The following NLRC5 variants were observed in gnomAD, a reference collection of about 807,000 sequenced individuals.
NLRC5 encodes the protein protein NLRC5.
In NLRC5, 114 loss-of-function variants were observed where a neutral mutation model predicts 206.9. The ratio of observed to expected loss-of-function variants is 0.55; its 90% CI spans 0.47 to 0.64. The LOEUF (loss-of-function observed/expected upper bound fraction) is 0.64. Among genes scored for constraint, NLRC5 ranks in the 30% least tolerant of loss-of-function variants. The pLI is 0.00. For synonymous variants in NLRC5, 952 were observed against 962.8 expected (o/e 0.99, Z 0.21); for missense variants, 2,008 against 2,305.5 (o/e 0.87, Z 2.64).
rs142911871 is a variant in NLRC5 at position 56,997,323 on chromosome 16, G to A, written c.-128+7706G>A. Among the ~76,000 whole-genome samples the A allele has an allele frequency of 4.7e-3, 710 of 152,194 alleles. 1 individual carries two copies. The highest frequency in any genetic ancestry group is 6.8e-3 in the Middle Eastern group (2 of 294). ...TGTAGCCTGATGCCCAGCCTATGCC[G>A]GGAACTCAGTACATAACAGCCAATG... On this transcript the variant is annotated intron_variant, in intron 1 of 48. Coordinates refer to ENST00000688547, the MANE Select transcript of NLRC5 (RefSeq NM_001384950.1).
chr16:57,057,257 C>T (rs2065796324), intron 27 of NLRC5, among the ~76,000 whole-genome samples: 1 of 152,094 alleles, frequency 6.6e-6, no homozygotes, highest in Non-Finnish European at 1.5e-5. Context: ...CCCGTCTCTA[C>T]TAAAAATACA....
At chr16:57,036,923 T>C (rs552845879) in intron 14 of NLRC5, among the ~76,000 whole-genome samples, 1 of 152,178 alleles carries the variant, frequency 6.6e-6, no homozygotes, top group East Asian at 1.9e-4. Context: ...TGGTGGTTAT[T>C]TTACAGATGA....
At chr16:57,077,513 G>C (rs1021518415) in intron 41 of NLRC5, 134 bp downstream of exon 41, 27 of 966,966 alleles carry the variant, frequency 2.8e-5, no homozygotes, top group Non-Finnish European at 3.5e-5. Flanking sequence ...GGGGCTCGGT[G>C]ACCTCCTGGC....
rs199779375 is a variant in NLRC5, at chr16:57,029,847, G to A, written c.2318G>A (p.Arg773Gln). 2.4e-5 allele frequency: 38 copies of A among 1,613,892 alleles called. No homozygotes were observed. The highest frequency in any genetic ancestry group is 1.6e-4 in the Middle Eastern group (1 of 6,082). ...VEVLPHLPRL[R>Q]KLDLSSNSIC... Reference sequence around the variant, plus strand: ...GTTCTCCCTCACCTACCACGGCTCCGGAAGCTTGAGTAAGTGATCTTTCCA... The same window carrying A: ...GTTCTCCCTCACCTACCACGGCTCCAGAAGCTTGAGTAAGTGATCTTTCCA... The change falls in exon 9 of 49, where the codon CGG becomes CAG. Residue 773 changes from arginine (R) to glutamine (Q), a missense_variant. Coordinates refer to ENST00000688547, the MANE Select transcript of NLRC5 (RefSeq NM_001384950.1).
chr16:57,046,782 C>T (rs1016274583), intron 22 of NLRC5, 141 bp downstream of exon 22: 2 of 706,166 alleles, frequency 2.8e-6, no homozygotes, highest in East Asian at 2.9e-5. Flanking sequence ...AAGAAAGAGG[C>T]GTGGGTGTGA....
chr16:57,068,179 T>C (rs1028336497), intron 36 of NLRC5, among the ~76,000 whole-genome samples: 1 of 152,078 alleles, frequency 6.6e-6, no homozygotes, highest in Non-Finnish European at 1.5e-5. Flanking sequence ...TCTGTAATCC[T>C]AGCACTTTGG....
chr16:57,031,356 G>A, intron 10 of NLRC5, 48 bp from the exon 11 acceptor site: 1 of 1,601,804 alleles, frequency 6.2e-7, no homozygotes, highest in Non-Finnish European at 8.6e-7. Flanking sequence ...TGGGTGATGT[G>A]CTGGTTTCCA....
intron 15 of NLRC5, among the ~76,000 whole-genome samples, chr16:57,038,577 C>G (rs75929232): frequency 0.07 from 7,947 of 113,276 alleles, 285 homozygotes; most frequent in Middle Eastern, 0.12. Flanking sequence ...AATTTTAACT[C>G]ATTATCTTAA....
chr16:57,049,506 G>A (rs2064535070), intron 23 of NLRC5, among the ~76,000 whole-genome samples: 1 of 151,928 alleles, frequency 6.6e-6, no homozygotes, highest in South Asian at 2.1e-4. Context: ...GGGAGGCCGA[G>A]GTGGCTGGAT....
chr16:57,001,718 T>C lies in NLRC5; in HGVS notation c.-128+12101T>C, dbSNP rs1367190858. Among the ~76,000 whole-genome samples the C allele has an allele frequency of 3.3e-5, 5 of 152,348 alleles. No individual in the cohort carries two copies. The South Asian group carries it at 8.3e-4, about 25-fold the overall frequency. On this transcript the variant is annotated intron_variant, in intron 1 of 48. Coordinates refer to ENST00000688547, the MANE Select transcript of NLRC5 (RefSeq NM_001384950.1). ...CACATCAGGGTAAATGGGGTTTCCA[T>C]CACCTCAAGCATTTATCCTTTGTGT...
intron 23 of NLRC5, among the ~76,000 whole-genome samples, chr16:57,048,827 C>T (rs2064384524): frequency 6.6e-6 from 1 of 152,208 alleles, no homozygotes; most frequent in South Asian, 2.1e-4. Flanking sequence ...AGCCACTGCA[C>T]CTGGCCCAGA....
chr16:57,047,919 A>C (rs1597348788), intron 23 of NLRC5: 7 of 423,588 alleles, frequency 1.7e-5, no homozygotes, highest in South Asian at 7.4e-5. Flanking sequence ...CTCCAACCCC[A>C]CCCCTGGAGC....
In NLRC5 at chr16:57,043,556, T is replaced by G. The variant is rs775332785; in HGVS notation, c.3155T>G (p.Leu1052Trp). The change falls in exon 20 of 49, where the codon TTG (leucine) becomes TGG (tryptophan). Residue 1052 changes from leucine (L) to tryptophan (W), a missense_variant. Leu to Trp is a moderately conservative substitution (Grantham distance 61). Coordinates refer to ENST00000688547, the MANE Select transcript of NLRC5 (RefSeq NM_001384950.1). ...NGLSLDAVLGLVRCFSTLQWL... is the reference protein window; with the variant it reads ...NGLSLDAVLGWVRCFSTLQWL... The stretch of plus-strand genomic sequence containing the variant: ...TTGTCCCTGGATGCCGTGTTGGGTT[T>G]GGTTCGGTGCTTCTCCACTCTGCAG... 2 of 1,614,172 alleles carry G rather than the reference T, an allele frequency of 1.2e-6. No homozygotes were observed. The highest frequency in any genetic ancestry group is 2.2e-5 in the South Asian group (2 of 91,080).
In NLRC5 at chr16:57,020,667, C is replaced by T. The variant is rs564009789; in HGVS notation, c.-12-34C>T. On this transcript the variant is annotated intron_variant, in intron 2 of 48. Transcript: ENST00000688547. ...CTCATCTGCCCCCAGTTTACCTGTCCCCCTCAACTCACCTATCTTCCCTGT... is the reference window on the plus strand; with the variant it reads ...CTCATCTGCCCCCAGTTTACCTGTCTCCCTCAACTCACCTATCTTCCCTGT... 6.7e-5 allele frequency: 104 copies of T among 1,542,202 alleles called. No homozygotes were observed. In the East Asian group the frequency reaches 1.7e-3, roughly 25 times the overall value.
chr16:57,043,981 T>C (rs2063609946), intron 20 of NLRC5, among the ~76,000 whole-genome samples: 1 of 151,938 alleles, frequency 6.6e-6, no homozygotes, highest in Admixed American at 6.6e-5. Context: ...ACATGTGCCA[T>C]GTTGGTATGC....
rs537206392 is a variant in NLRC5, at chr16:56,995,142, C to T, written c.-128+5525C>T. The stretch of plus-strand genomic sequence containing the variant: ...TGAGTTGAGATCGTGCCATGCTCTC[C>T]AGCCTGAGTTACAGAGGGAGACTCG... On this transcript the variant is annotated intron_variant, in intron 1 of 48. Transcript: ENST00000688547. 1.6e-4 allele frequency among the ~76,000 whole-genome samples: 25 copies of T among 152,308 alleles called. No individual in the cohort carries two copies. The East Asian group carries it at 4.2e-3, about 26-fold the overall frequency.
intron 32 of NLRC5, among the ~76,000 whole-genome samples, chr16:57,063,134 C>T (rs1327467624): frequency 9.1e-6 from 1 of 109,304 alleles, no homozygotes; most frequent in Non-Finnish European, 1.7e-5. Flanking sequence ...TTTTTTGAGA[C>T]AGAGTCTCAC....
At chr16:57,009,015 G>T (rs141780155) in intron 1 of NLRC5, among the ~76,000 whole-genome samples, 1 of 152,164 alleles carries the variant, frequency 6.6e-6, no homozygotes, top group Non-Finnish European at 1.5e-5. Context: ...AAAATAGGCC[G>T]TGCACGGTGG....
intron 41 of NLRC5, 97 bp from the exon 42 acceptor site, chr16:57,077,622 T>C: frequency 8.0e-7 from 1 of 1,256,668 alleles, no homozygotes. Flanking sequence ...GGTTGTCTCT[T>C]AGGCCCCCTG....
Sources: gnomAD v4.1 joint callset for allele counts (sites outside exome capture counted in the v4.1 genomes callset) on GRCh38, gnomAD v4.1.1 for gene constraint, MANE v1.5 for transcripts, NCBI Gene and HGNC (gene_info 2026-07-23, HGNC 2026-07-21) for gene names.